The following SUGCT variants were observed in gnomAD, a reference collection of about 807,000 sequenced individuals.
The protein encoded by SUGCT is succinyl-CoA:glutarate-CoA transferase, also known as succinyl-CoA:glutarate CoA-transferase.
In SUGCT, 41 loss-of-function variants were observed where a neutral mutation model predicts 55.0. The observed-to-expected ratio is 0.74, with a 90% CI of 0.58 to 0.97. The LOEUF is 0.97. SUGCT is among the 50% of genes least tolerant of loss of function. SUGCT has a pLI of 0.00. For synonymous variants in SUGCT, 187 were observed against 200.4 expected (o/e 0.93, Z 0.56); for missense variants, 568 against 547.8 (o/e 1.04, Z -0.37).
chr7:40,668,865 G>A (rs1273809683), intron 12 of SUGCT, among the ~76,000 whole-genome samples: 2 of 152,130 alleles, frequency 1.3e-5, no homozygotes, highest in Admixed American at 6.5e-5. Flanking sequence ...CTCACCCCCA[G>A]TCACTCTAAA....
At chr7:40,323,219 C>G (rs1183253354) in intron 9 of SUGCT, among the ~76,000 whole-genome samples, 1 of 152,128 alleles carries the variant, frequency 6.6e-6, no homozygotes, top group Admixed American at 6.5e-5. Flanking sequence ...TCTTTAACCT[C>G]TCCTCTCTTG....
chr7:40,562,578 T>C (rs1795900538), intron 12 of SUGCT, among the ~76,000 whole-genome samples: 1 of 152,000 alleles, frequency 6.6e-6, no homozygotes, highest in Non-Finnish European at 1.5e-5. Flanking sequence ...GGGACAGAAA[T>C]TGATCAGTGT....
intron 6 of SUGCT, among the ~76,000 whole-genome samples, chr7:40,218,693 G>A (rs1011079425): frequency 2.6e-5 from 4 of 151,996 alleles, no homozygotes; most frequent in Admixed American, 1.3e-4. Flanking sequence ...ACCAATCAGC[G>A]CTCTGTGTCT....
intron 9 of SUGCT, among the ~76,000 whole-genome samples, chr7:40,398,217 G>C (rs1452221858): frequency 6.6e-6 from 1 of 152,136 alleles, no homozygotes; most frequent in Non-Finnish European, 1.5e-5. Context: ...TCAGCCTTTT[G>C]AGTGGCTGGG....
chr7:40,722,349 C>A (rs920341695), intron 12 of SUGCT, among the ~76,000 whole-genome samples: 4 of 152,134 alleles, frequency 2.6e-5, no homozygotes, highest in African/African-American at 9.7e-5. Context: ...TCATATTTTG[C>A]TCTATTTTTA....
At chr7:40,505,111 GA>G (rs1792514715) in intron 12 of SUGCT, among the ~76,000 whole-genome samples, 1 of 152,136 alleles carries the variant, frequency 6.6e-6, no homozygotes, top group Non-Finnish European at 1.5e-5. Flanking sequence ...TTACCAGTAT[GA>G]AGGTATCTCT....
chr7:40,560,620 G>C (rs537780133), intron 12 of SUGCT, among the ~76,000 whole-genome samples: 1 of 152,150 alleles, frequency 6.6e-6, no homozygotes, highest in Non-Finnish European at 1.5e-5. Context: ...TACTGATAGA[G>C]ACAAATTGGT....
Position 40,406,986 on chromosome 7 carries a change from G to C in SUGCT, c.817-42301G>C, listed in dbSNP as rs369527077. On this transcript the variant is annotated intron_variant, in intron 9 of 13. Coordinates refer to ENST00000335693, the MANE Select transcript of SUGCT (RefSeq NM_001193313.2). ...AAATATGATGATAGTCTAGGTTCTT[G>C]GTTGAAAACAAGTTTCGAAATAAAG... Among the ~76,000 whole-genome samples the C allele has an allele frequency of 1.7e-4, 26 of 151,972 alleles. 3 individuals are homozygous for C. The highest frequency in any genetic ancestry group is 1.2e-3 in the Admixed American group (19 of 15,268).
chr7:40,178,499 T>C (rs1785030587), intron 1 of SUGCT, among the ~76,000 whole-genome samples: 1 of 152,146 alleles, frequency 6.6e-6, no homozygotes, highest in African/African-American at 2.4e-5. Flanking sequence ...TGTGCTTTAA[T>C]TGGGTTTAGA....
At chr7:40,410,113 T>A (rs1420743049) in intron 9 of SUGCT, among the ~76,000 whole-genome samples, 1 of 152,196 alleles carries the variant, frequency 6.6e-6, no homozygotes, top group African/African-American at 2.4e-5. Context: ...GCAATTACCA[T>A]GCTTATATTG....
the SUGCT span, among the ~76,000 whole-genome samples, chr7:40,958,553 C>T: frequency 6.6e-6 from 1 of 151,936 alleles, no homozygotes; most frequent in Non-Finnish European, 1.5e-5. Flanking sequence ...TTCTAGTTAG[C>T]AGTTCCTGTA....
chr7:40,425,258 G>A (rs1787529260), intron 9 of SUGCT, among the ~76,000 whole-genome samples: 1 of 151,976 alleles, frequency 6.6e-6, no homozygotes, highest in Non-Finnish European at 1.5e-5. Flanking sequence ...ATGTAAACAT[G>A]GCCCCAAACA....
intron 8 of SUGCT, among the ~76,000 whole-genome samples, chr7:40,309,444 A>C (rs1296798576): frequency 6.6e-6 from 1 of 152,004 alleles, no homozygotes; most frequent in Non-Finnish European, 1.5e-5. Flanking sequence ...ATAGGCACTC[A>C]CCACCATGCC....
chr7:40,792,416 T>G (rs2128745543), intron 13 of SUGCT, among the ~76,000 whole-genome samples: 1 of 152,268 alleles, frequency 6.6e-6, no homozygotes, highest in South Asian at 2.1e-4. Flanking sequence ...AGCCCTACAT[T>G]TTCTGGTCTT....
the SUGCT span, among the ~76,000 whole-genome samples, chr7:40,995,229 A>G: frequency 1.3e-5 from 2 of 152,106 alleles, no homozygotes; most frequent in Non-Finnish European, 2.9e-5. Context: ...TGACTCTTTC[A>G]TTTAGCCAGT....
chr7:40,152,577 T>G lies in SUGCT; in HGVS notation c.100+17457T>G, dbSNP rs866370689. ...TATTGTCCGAGATCGGTTGATAACT[T>G]ATTTGTGGTTGTTCAGGAGTTTTAA... On this transcript the variant is annotated intron_variant, in intron 1 of 13. Transcript: ENST00000335693. 13 of 194,368 alleles carry G rather than the reference T, an allele frequency of 6.7e-5. 1 individual carries two copies. The Middle Eastern group carries it at 5.6e-3, about 83-fold the overall frequency. The allele number at this position is 194,368 out of a possible 1,614,324, so 12.0% of individuals were successfully genotyped here. A position where few individuals can be genotyped will look rare whatever the true frequency, so the allele number is the denominator to read the frequency against.
chr7:40,621,018 T>G (rs1007838071), intron 12 of SUGCT, among the ~76,000 whole-genome samples: 1 of 152,224 alleles, frequency 6.6e-6, no homozygotes, highest in Non-Finnish European at 1.5e-5. Flanking sequence ...TTTTGTTGCC[T>G]GTTTCCTTTT....
At chr7:40,867,330 T>A in the SUGCT span, among the ~76,000 whole-genome samples, 9 of 150,654 alleles carry the variant, frequency 6.0e-5, no homozygotes, top group Admixed American at 2.0e-4. Context: ...TATATATATA[T>A]GTGTATATAT....
At chr7:40,689,960 A>G (rs1408925917) in intron 12 of SUGCT, among the ~76,000 whole-genome samples, 2 of 152,120 alleles carry the variant, frequency 1.3e-5, no homozygotes, top group African/African-American at 4.8e-5. Context: ...TATGTCAGAA[A>G]CCTAAAGTAC....
Sources: allele counts gnomAD v4.1 joint callset (sites outside exome capture counted in the v4.1 genomes callset), GRCh38; gene constraint gnomAD v4.1.1; transcripts MANE v1.5; gene names NCBI Gene and HGNC (gene_info 2026-07-23, HGNC 2026-07-21).